The following REV1 variants were observed in gnomAD, a reference collection of about 807,000 sequenced individuals.
REV1 encodes translesion synthesis protein REV1.
In REV1, 42 loss-of-function variants were observed where a neutral mutation model predicts 137.4. The observed-to-expected ratio is 0.31, with a 90% CI of 0.24 to 0.40. The LOEUF (loss-of-function observed/expected upper bound fraction) is 0.40, where lower values mean the gene tolerates loss of function less well. Among genes scored for constraint, REV1 ranks in the 10% least tolerant of loss-of-function variants. The probability of loss-of-function intolerance (pLI) is 1.00; values close to 1 mark genes in which losing one functional copy is unlikely to be tolerated. For synonymous variants in REV1, 524 were observed against 519.2 expected (o/e 1.01, Z -0.12); for missense variants, 1,282 against 1,490.1 (o/e 0.86, Z 2.30).
chr2:99,489,364 C>A (rs1268667745), intron 1 of REV1, among the ~76,000 whole-genome samples: 1 of 152,096 alleles, frequency 6.6e-6, no homozygotes, highest in Admixed American at 6.5e-5. Context: ...GCTTGTGGAA[C>A]GAACGCCCGA....
At chr2:99,486,795 T>A (rs532914543) in intron 1 of REV1, among the ~76,000 whole-genome samples, 1 of 152,280 alleles carries the variant, frequency 6.6e-6, no homozygotes, top group Non-Finnish European at 1.5e-5. Context: ...CAGCCTACTA[T>A]GTACCAGGCA....
At chr2:99,412,067 A>G (rs1677235840) in intron 13 of REV1, among the ~76,000 whole-genome samples, 1 of 151,788 alleles carries the variant, frequency 6.6e-6, no homozygotes, top group African/African-American at 2.4e-5. Context: ...CCACGTCTCT[A>G]CTAAAAGTAC....
chr2:99,440,252 T>C (rs1055657252), intron 5 of REV1, among the ~76,000 whole-genome samples: 1 of 152,208 alleles, frequency 6.6e-6, no homozygotes, highest in African/African-American at 2.4e-5. Context: ...AACAAAAACC[T>C]GAATTACAAA....
Position 99,435,860 on chromosome 2 carries a change from C to A in REV1, c.1295G>T (p.Gly432Val). Residue 432 changes from glycine (G) to valine (V), a missense_variant, in exon 7 of 23, where the codon GGT (glycine) becomes GTT (valine). Around this residue, in one of 7 missense-constraint regions of REV1, gnomAD observed 432 missense variants for 438.0 expected, o/e 0.99. Coordinates refer to ENST00000258428, the MANE Select transcript of REV1 (RefSeq NM_016316.4). ...VDMDCFFVSV[G>V]IRNRPDLKGK... ...TTTGAGATCTGGTCTATTTCGTATACCCACTGATACAAAGAAGCAATCCAT... is the reference window on the plus strand; with the variant it reads ...TTTGAGATCTGGTCTATTTCGTATAACCACTGATACAAAGAAGCAATCCAT... 6.3e-7 allele frequency: 1 copy of A among 1,599,768 alleles called. No homozygotes were observed. The highest frequency in any genetic ancestry group is 1.7e-5 in the Admixed American group (1 of 59,608).
intron 18 of REV1, among the ~76,000 whole-genome samples, chr2:99,404,142 T>A (rs557858378): frequency 6.6e-6 from 1 of 152,350 alleles, no homozygotes; most frequent in South Asian, 2.1e-4. Flanking sequence ...TGCAGGATTA[T>A]ACATCTCCGC....
chr2:99,450,083 C>G (rs1682747876), intron 3 of REV1, among the ~76,000 whole-genome samples: 1 of 151,604 alleles, frequency 6.6e-6, no homozygotes, highest in South Asian at 2.1e-4. Context: ...TATCCAGTTC[C>G]CTAATATGAA....
intron 4 of REV1, among the ~76,000 whole-genome samples, chr2:99,447,488 G>T (rs1201218386): frequency 6.6e-6 from 1 of 151,934 alleles, no homozygotes; most frequent in Non-Finnish European, 1.5e-5. Context: ...TGACTTTCTA[G>T]AGATAGTAAT....
At chr2:99,441,179 A>T (rs1241984005) in intron 5 of REV1, among the ~76,000 whole-genome samples, 1 of 152,032 alleles carries the variant, frequency 6.6e-6, no homozygotes, top group Non-Finnish European at 1.5e-5. Flanking sequence ...ATAGCACATT[A>T]AAAAAAATTA....
At chr2:99,444,208 C>G (rs143305230) in intron 4 of REV1, among the ~76,000 whole-genome samples, 1 of 152,310 alleles carries the variant, frequency 6.6e-6, no homozygotes, top group African/African-American at 2.4e-5. Flanking sequence ...TTGCTTCCCC[C>G]ACCAAAAGAA....
In REV1 at chr2:99,429,957, A is replaced by G; in HGVS notation, c.1439-9T>C. ...TGAATCTGGTATATCTGCTTTAAAA[A>G]TAAAAAAAAATTAATGGTTATATGT... is the stretch of plus-strand genomic sequence containing the variant. On this transcript the variant is annotated splice_polypyrimidine_tract_variant and intron_variant, in intron 8 of 22. Transcript: ENST00000258428. The G allele has an allele frequency of 1.3e-6, 2 of 1,516,416 alleles. No individual in the cohort carries two copies. The highest frequency in any genetic ancestry group is 1.8e-4 in the Middle Eastern group (1 of 5,710). 93.9% of individuals were successfully genotyped at this position (1,516,416 alleles called of 1,614,324 possible). A position where few individuals can be genotyped will look rare whatever the true frequency, so the allele number is the denominator to read the frequency against.
Position 99,456,182 on chromosome 2 carries a change from T to C in REV1, c.181+6314A>G, listed in dbSNP as rs565615582. Among the ~76,000 whole-genome samples, 82 of 152,356 alleles carry C rather than the reference T, an allele frequency of 5.4e-4. 1 individual carries two copies. The highest frequency in any genetic ancestry group is 9.1e-4 in the Non-Finnish European group (62 of 68,032). On this transcript the variant is annotated intron_variant, in intron 3 of 22. Transcript: ENST00000258428. The stretch of plus-strand genomic sequence containing the variant: ...TTGATTTAGCATCTGAGTGAAAATA[T>C]TTTAACATTCTGATGTACAAATACA...
chr2:99,440,414 TA>T (rs1681334563), intron 5 of REV1, among the ~76,000 whole-genome samples: 1 of 152,194 alleles, frequency 6.6e-6, no homozygotes, highest in Non-Finnish European at 1.5e-5. Flanking sequence ...CCCCTCACCC[TA>T]ATACCAACTT....
intron 12 of REV1, among the ~76,000 whole-genome samples, chr2:99,418,079 G>A (rs1260362784): frequency 6.6e-6 from 1 of 152,154 alleles, no homozygotes; most frequent in African/African-American, 2.4e-5. Context: ...CCTGTTAACA[G>A]AAACTTCTAA....
Position 99,403,101 on chromosome 2 carries a change from T to C in REV1, c.3172A>G (p.Lys1058Glu), listed in dbSNP as rs1428235840. 1 of 1,601,642 alleles carries C rather than the reference T, an allele frequency of 6.2e-7. No homozygotes were observed. Among genetic ancestry groups the C allele is most frequent in the East Asian group, 2.2e-5 (1 of 44,592 alleles). The change falls in exon 20 of 23, where the codon AAG becomes GAG. Residue 1058 changes from lysine (K) to glutamate (E), a missense_variant. Physicochemically the swap from Lys to Glu is moderately conservative, Grantham distance 56. This residue lies in a region of REV1 where 170 missense variants were observed against 156.8 expected (regional missense o/e 1.08). Coordinates refer to ENST00000258428, the MANE Select transcript of REV1 (RefSeq NM_016316.4). ...HQQSASASVPKNPLLHLKAAV... is the reference protein window; with the variant it reads ...HQQSASASVPENPLLHLKAAV... The stretch of plus-strand genomic sequence containing the variant: ...GCCTTTAGATGAAGTAAAGGATTCT[T>C]TGGCACTAAGAGCAGATGGATATAA...
chr2:99,473,374 A>AAAG (rs898008901), intron 1 of REV1, among the ~76,000 whole-genome samples: 1 of 151,532 alleles, frequency 6.6e-6, no homozygotes, highest in Non-Finnish European at 1.5e-5. Flanking sequence ...TCAAAAAAAA[A>AAAG]AAAAAGAAAA....
chr2:99,418,897 C>T lies in REV1; in HGVS notation c.1882G>A (p.Gly628Arg). The T allele has an allele frequency of 6.2e-7, 1 of 1,612,360 alleles. No individual in the cohort carries two copies. The highest frequency in any genetic ancestry group is 8.5e-7 in the Non-Finnish European group (1 of 1,178,788). ...RMATRKAKPD[G>R]QYHLKPEEVD... ...TCTTCTGGTTTTAGGTGGTACTGCC[C>T]ATCTGGTTTTGCTTTTCTAGTTGCC... Residue 628 changes from glycine to arginine, a missense_variant, in exon 12 of 23, where the codon GGG becomes AGG. By Grantham distance (125) the Gly-to-Arg change is moderately radical. This residue lies in a region of REV1 where 372 missense variants were observed against 482.3 expected (regional missense o/e 0.77). Transcript: ENST00000258428.
At chr2:99,479,171 T>TA (rs1199386393) in intron 1 of REV1, among the ~76,000 whole-genome samples, 4 of 151,364 alleles carry the variant, frequency 2.6e-5, no homozygotes, top group South Asian at 2.1e-4. Flanking sequence ...CTACTAAAAA[T>TA]AAAAAAATTA....
intron 1 of REV1, among the ~76,000 whole-genome samples, chr2:99,484,268 T>C (rs910216191): frequency 6.6e-6 from 1 of 152,100 alleles, no homozygotes; most frequent in African/African-American, 2.4e-5. Context: ...AAAGTAACTA[T>C]TGTGTATCAG....
chr2:99,435,968 C>T (rs754435511), intron 6 of REV1, 27 bp from the exon 7 acceptor site: 7 of 1,277,740 alleles, frequency 5.5e-6, no homozygotes, highest in Non-Finnish European at 8.0e-6. Flanking sequence ...AGCATTCAAA[C>T]CCCAAGCTAA....
Sources: gnomAD v4.1 joint callset for allele counts (sites outside exome capture counted in the v4.1 genomes callset) on GRCh38, gnomAD v4.1.1 for gene constraint, gnomAD v4.1.1 regional missense constraint, MANE v1.5 for transcripts, NCBI Gene and HGNC (gene_info 2026-07-23, HGNC 2026-07-21) for gene names.